The following LUZP2 variants were observed in gnomAD, a reference collection of about 807,000 sequenced individuals.
The protein encoded by LUZP2 is leucine zipper protein 2.
Under a neutral mutation model 51.6 loss-of-function variants are expected in LUZP2, and 52 were observed. The observed-to-expected ratio is 1.01, with a 90% CI of 0.81 to 1.27. LUZP2 has a LOEUF of 1.27. Among genes scored for constraint, LUZP2 ranks in the 50% most tolerant of loss-of-function variants. The pLI is 0.00. For missense variants in LUZP2, 436 were observed against 395.4 expected (o/e 1.10, Z -0.87); for synonymous variants, 154 against 137.3 (o/e 1.12, Z -0.85).
chr11:24,937,923 GA>G (rs906306894), intron 7 of LUZP2, among the ~76,000 whole-genome samples: 6 of 149,084 alleles, frequency 4.0e-5, no homozygotes, highest in African/African-American at 1.2e-4. Context: ...AAGAAAGAAA[GA>G]AAAAAAAATA....
chr11:24,664,875 C>T (rs1856160170), intron 1 of LUZP2, among the ~76,000 whole-genome samples: 1 of 152,120 alleles, frequency 6.6e-6, no homozygotes, highest in African/African-American at 2.4e-5. Flanking sequence ...CAAGGAGAAC[C>T]TCTAGTAGGG....
intron 5 of LUZP2, among the ~76,000 whole-genome samples, chr11:24,780,539 C>A (rs1323716419): frequency 6.6e-6 from 1 of 152,074 alleles, no homozygotes; most frequent in Admixed American, 6.6e-5. Flanking sequence ...AGGAAATTTG[C>A]TAGCACTGGG....
intron 5 of LUZP2, among the ~76,000 whole-genome samples, chr11:24,874,345 C>A (rs1203685905): frequency 6.6e-6 from 1 of 152,082 alleles, no homozygotes; most frequent in Non-Finnish European, 1.5e-5. Flanking sequence ...ACTCAGGGGG[C>A]TGTAGGCAGG....
rs1590870732 is a variant in LUZP2, at chr11:25,044,431, G to A, written c.766-5607G>A. On this transcript the variant is annotated intron_variant, in intron 9 of 11. Coordinates refer to ENST00000336930, the MANE Select transcript of LUZP2 (RefSeq NM_001009909.4). Reference sequence around the variant, plus strand: ...GTTTCAATAAGGCTTCTTTCCACAAGGAGCCATCTCACTGATGGCAAAGGC... The same window carrying A: ...GTTTCAATAAGGCTTCTTTCCACAAAGAGCCATCTCACTGATGGCAAAGGC... Among the ~76,000 whole-genome samples, 5 of 151,756 alleles carry A rather than the reference G, an allele frequency of 3.3e-5. 1 individual carries two copies. Among genetic ancestry groups the A allele is most frequent in the African/African-American group, 9.7e-5 (4 of 41,450 alleles).
intron 1 of LUZP2, among the ~76,000 whole-genome samples, chr11:24,522,822 A>C (rs1423725345): frequency 6.6e-6 from 1 of 152,140 alleles, no homozygotes; most frequent in East Asian, 1.9e-4. Flanking sequence ...CATAGTAAAT[A>C]TATTCTATAA....
intron 1 of LUZP2, among the ~76,000 whole-genome samples, chr11:24,578,017 G>A (rs956020982): frequency 2.0e-5 from 3 of 152,176 alleles, no homozygotes; most frequent in Admixed American, 6.6e-5. Context: ...CTCAGCCATC[G>A]CTCAGCATGT....
intron 1 of LUZP2, among the ~76,000 whole-genome samples, chr11:24,530,007 T>G (rs561353391): frequency 1.5e-4 from 22 of 151,112 alleles, no homozygotes; most frequent in African/African-American, 5.1e-4. Flanking sequence ...ATTTTTAGGT[T>G]AGACTTTAGT....
intron 7 of LUZP2, among the ~76,000 whole-genome samples, chr11:24,949,515 C>A (rs181792662): frequency 6.6e-6 from 1 of 151,574 alleles, no homozygotes; most frequent in East Asian, 1.9e-4. Flanking sequence ...TGTTTCTTTT[C>A]TTCTTAGAAT....
At chr11:24,796,776 C>G (rs1849559808) in intron 5 of LUZP2, among the ~76,000 whole-genome samples, 1 of 152,080 alleles carries the variant, frequency 6.6e-6, no homozygotes, top group Non-Finnish European at 1.5e-5. Flanking sequence ...AGATACTACA[C>G]AAGTTTTTTT....
chr11:25,077,491 T>A (rs544853679), intron 11 of LUZP2, 85 bp downstream of exon 11: 18 of 510,910 alleles, frequency 3.5e-5, no homozygotes, highest in Admixed American at 2.5e-4. Context: ...TTATATTATT[T>A]TTTATTTTTT....
chr11:24,688,019 T>TTC (rs144526942), intron 1 of LUZP2, among the ~76,000 whole-genome samples: 1 of 150,652 alleles, frequency 6.6e-6, no homozygotes, highest in African/African-American at 2.4e-5. Context: ...CTGTCTCTCT[T>TTC]TCTCTCTCTC....
chr11:25,006,084 A>G (rs1856827944), intron 9 of LUZP2, among the ~76,000 whole-genome samples: 1 of 126,206 alleles, frequency 7.9e-6, no homozygotes, highest in African/African-American at 2.9e-5. Context: ...AAGGGATCCT[A>G]AAATTCCAGA....
intron 4 of LUZP2, among the ~76,000 whole-genome samples, chr11:24,742,126 A>G (rs1478399840): frequency 6.8e-6 from 1 of 146,204 alleles, no homozygotes; most frequent in African/African-American, 2.6e-5. Context: ...GGTTGGTTCC[A>G]CAATTTTGCA....
At chr11:24,714,249 C>T (rs902993738) in intron 1 of LUZP2, among the ~76,000 whole-genome samples, 1 of 151,738 alleles carries the variant, frequency 6.6e-6, no homozygotes, top group African/African-American at 2.4e-5. Flanking sequence ...CCATGGCACA[C>T]GTATACCTAT....
At chr11:24,691,426 G>A (rs1250693177) in intron 1 of LUZP2, among the ~76,000 whole-genome samples, 1 of 150,228 alleles carries the variant, frequency 6.7e-6, no homozygotes, top group East Asian at 2.0e-4. Context: ...TAAAACTTGT[G>A]AATCATTTTT....
chr11:24,500,106 T>A (rs1338535695), intron 1 of LUZP2, among the ~76,000 whole-genome samples: 1 of 152,082 alleles, frequency 6.6e-6, no homozygotes, highest in Non-Finnish European at 1.5e-5. Flanking sequence ...CAAAATCCCA[T>A]AATTTAATCA....
At chr11:24,615,135 A>C (rs918256375) in intron 1 of LUZP2, among the ~76,000 whole-genome samples, 5 of 152,002 alleles carry the variant, frequency 3.3e-5, no homozygotes, top group Admixed American at 1.3e-4. Flanking sequence ...ATATACATAT[A>C]TGCAGAAGTA....
intron 5 of LUZP2, among the ~76,000 whole-genome samples, chr11:24,850,271 T>A (rs1388269191): frequency 6.6e-6 from 1 of 152,322 alleles, no homozygotes; most frequent in East Asian, 1.9e-4. Flanking sequence ...TATGTTTAAG[T>A]GTTTATTCCA....
chr11:24,620,358 G>A (rs1482914449), intron 1 of LUZP2, among the ~76,000 whole-genome samples: 1 of 151,990 alleles, frequency 6.6e-6, no homozygotes, highest in Non-Finnish European at 1.5e-5. Context: ...CAGGGGTATT[G>A]AGACTCATTT....
Sources: gnomAD v4.1 joint callset for allele counts (sites outside exome capture counted in the v4.1 genomes callset) on GRCh38, gnomAD v4.1.1 for gene constraint, MANE v1.5 for transcripts, NCBI Gene and HGNC (gene_info 2026-07-23, HGNC 2026-07-21) for gene names.